EPHA6: variants seen among roughly 807,000 people sequenced by gnomAD.
The protein encoded by EPHA6 is ephrin type-A receptor 6.
Under a neutral mutation model 112.0 loss-of-function variants are expected in EPHA6, and 50 were observed. The ratio of observed to expected loss-of-function variants is 0.45; its 90% CI spans 0.36 to 0.56. The LOEUF (loss-of-function observed/expected upper bound fraction) is 0.56. Ranked by LOEUF, EPHA6 falls within the 20% of genes least tolerant of loss-of-function variation. The pLI is 0.00. For missense variants in EPHA6, 1,280 were observed against 1,417.4 expected (o/e 0.90, Z 1.56); for synonymous variants, 529 against 490.7 (o/e 1.08, Z -1.03).
At chr3:97,314,362 A>T in intron 5 of EPHA6, among the ~76,000 whole-genome samples, 1 of 151,616 alleles carries the variant, frequency 6.6e-6, no homozygotes, top group Non-Finnish European at 1.5e-5. Flanking sequence ...TTCTGGATCC[A>T]TATGAGTTTT....
At chr3:97,675,745 T>A (rs937422608) in intron 14 of EPHA6, among the ~76,000 whole-genome samples, 1 of 152,190 alleles carries the variant, frequency 6.6e-6, no homozygotes, top group Non-Finnish European at 1.5e-5. Flanking sequence ...AATAATTACA[T>A]AGATAAATTG....
At chr3:97,000,287 A>ACACACATATATATAGC (rs59913336) in intron 3 of EPHA6, among the ~76,000 whole-genome samples, 24,845 of 146,890 alleles carry the variant, frequency 0.17, 2,635 homozygotes, top group Admixed American at 0.29. Context: ...ACACACACAC[A>ACACACATATATATAGC]CACACATATA....
Position 97,244,544 on chromosome 3 carries a change from T to C in EPHA6, c.1606+257T>C, listed in dbSNP as rs1230509927. The C allele has an allele frequency of 8.5e-5, 40 of 471,792 alleles. No homozygotes were observed. In the East Asian group the frequency reaches 1.2e-3, roughly 14 times the overall value. 29.2% of individuals were successfully genotyped at this position (471,792 alleles called of 1,614,324 possible). Reference sequence around the variant, plus strand: ...TACTCATGTATTTTGTATAATCATATAACAATATATCTTAATGAGTAAGTC... The same window carrying C: ...TACTCATGTATTTTGTATAATCATACAACAATATATCTTAATGAGTAAGTC... On this transcript the variant is annotated intron_variant, in intron 5 of 17. Transcript: ENST00000389672.
At chr3:97,422,506 G>C (rs76606592) in intron 6 of EPHA6, among the ~76,000 whole-genome samples, 3,408 of 152,218 alleles carry the variant, frequency 0.022, 121 homozygotes, top group African/African-American at 0.075. Context: ...AATAGTGGGA[G>C]ATTTCAGTAT....
intron 3 of EPHA6, among the ~76,000 whole-genome samples, chr3:97,002,729 T>C (rs2043713210): frequency 6.6e-6 from 1 of 152,088 alleles, no homozygotes; most frequent in African/African-American, 2.4e-5. Flanking sequence ...AAATTCTTAC[T>C]GTTTTTGCTA....
Position 96,833,121 on chromosome 3 carries a change from T to A in EPHA6, c.385+18113T>A, listed in dbSNP as rs114281018. 5.5e-3 allele frequency among the ~76,000 whole-genome samples: 825 copies of A among 150,810 alleles called. 14 individuals carry two copies. Among genetic ancestry groups the A allele is most frequent in the African/African-American group, 0.019 (773 of 41,050 alleles). On this transcript the variant is annotated intron_variant, in intron 1 of 17. Transcript: ENST00000389672. ...CCTAGTGCCTCAGAATGTGACCTTC[T>A]TTGTAAATAGTGTTATTGCAGATGT...
chr3:96,911,665 C>T (rs539667534), intron 2 of EPHA6, among the ~76,000 whole-genome samples: 8 of 151,882 alleles, frequency 5.3e-5, no homozygotes, highest in South Asian at 2.1e-4. Context: ...TTATAACTTT[C>T]GATATGTTTT....
At chr3:97,747,928 T>C (rs2035783171) in intron 17 of EPHA6, among the ~76,000 whole-genome samples, 1 of 152,084 alleles carries the variant, frequency 6.6e-6, no homozygotes, top group African/African-American at 2.4e-5. Context: ...TAATGCAATA[T>C]TATCATGTCA....
chr3:97,520,899 T>C (rs181930499), intron 10 of EPHA6, among the ~76,000 whole-genome samples: 45 of 152,272 alleles, frequency 3.0e-4, no homozygotes, highest in African/African-American at 1.0e-3. Flanking sequence ...TTTTTTATTG[T>C]TTTATCTTTA....
chr3:97,736,315 A>AG (rs2035250260), intron 16 of EPHA6, among the ~76,000 whole-genome samples, 197 bp downstream of exon 16: 1 of 152,032 alleles, frequency 6.6e-6, no homozygotes, highest in Non-Finnish European at 1.5e-5. Flanking sequence ...TTTTAAAAAA[A>AG]GATAACAGAT....
intron 2 of EPHA6, among the ~76,000 whole-genome samples, chr3:96,970,048 A>G (rs2042256876): frequency 6.6e-6 from 1 of 151,956 alleles, no homozygotes; most frequent in South Asian, 2.1e-4. Context: ...AGGGCTATAG[A>G]CTTTATTAGT....
At chr3:97,664,711 C>A (rs531476069) in intron 14 of EPHA6, among the ~76,000 whole-genome samples, 2 of 152,262 alleles carry the variant, frequency 1.3e-5, no homozygotes, top group African/African-American at 4.8e-5. Context: ...TGAGTGAACT[C>A]CCATTCACAA....
intron 4 of EPHA6, among the ~76,000 whole-genome samples, chr3:97,235,300 C>T (rs1424143615): frequency 1.3e-5 from 2 of 152,064 alleles, no homozygotes; most frequent in Non-Finnish European, 2.9e-5. Context: ...CTAATAATTT[C>T]AAGCTCAACC....
Position 97,625,419 on chromosome 3 carries a change from T to C in EPHA6, c.2575-12454T>C, listed in dbSNP as rs1382861971. 3.3e-5 allele frequency among the ~76,000 whole-genome samples: 5 copies of C among 151,814 alleles called. No individual in the cohort carries two copies. In the East Asian group the frequency reaches 9.6e-4, roughly 29 times the overall value. ...CAGAGAACATACTTTGTATGAAATC[T>C]ACTATTTGAAATCTCTTGATACTTA... On this transcript the variant is annotated intron_variant, in intron 13 of 17. Transcript: ENST00000389672.
chr3:96,824,305 T>C (rs180841342), intron 1 of EPHA6, among the ~76,000 whole-genome samples: 1 of 151,946 alleles, frequency 6.6e-6, no homozygotes, highest in East Asian at 1.9e-4. Flanking sequence ...TTTTAAATGC[T>C]ACCAAGCCTT....
intron 5 of EPHA6, among the ~76,000 whole-genome samples, chr3:97,387,602 T>G (rs2086146742): frequency 6.6e-6 from 1 of 152,152 alleles, no homozygotes; most frequent in Admixed American, 6.6e-5. Context: ...AGCATTTTGG[T>G]CACAACAATT....
At chr3:97,187,840 A>AG (rs2077197755) in intron 3 of EPHA6, among the ~76,000 whole-genome samples, 1 of 152,094 alleles carries the variant, frequency 6.6e-6, no homozygotes, top group South Asian at 2.1e-4. Flanking sequence ...ATGAGTACAG[A>AG]GGGGGAGGTG....
intron 5 of EPHA6, among the ~76,000 whole-genome samples, chr3:97,292,056 A>T (rs567777278): frequency 5.5e-4 from 84 of 152,378 alleles, no homozygotes; most frequent in African/African-American, 2.0e-3. Context: ...CACCAGCTGT[A>T]GCAGGTTGGG....
At chr3:97,239,636 A>T (rs1486302200) in intron 4 of EPHA6, among the ~76,000 whole-genome samples, 4 of 151,884 alleles carry the variant, frequency 2.6e-5, no homozygotes, top group African/African-American at 4.8e-5. Context: ...GTGGATCATG[A>T]TGAAGGTCTT....
Sources: allele counts gnomAD v4.1 joint callset (sites outside exome capture counted in the v4.1 genomes callset), GRCh38; gene constraint gnomAD v4.1.1; transcripts MANE v1.5; gene names NCBI Gene and HGNC (gene_info 2026-07-23, HGNC 2026-07-21).